LPA: variants seen among roughly 807,000 people sequenced by gnomAD.
LPA encodes the protein lipoprotein(a).
A neutral mutation model predicts 197.9 loss-of-function variants in LPA; 199 were observed. That is an observed-to-expected ratio of 1.01 (90% CI 0.90 to 1.13). LPA has a LOEUF of 1.13. LPA is among the 50% of genes most tolerant of loss of function. The pLI, the probability that LPA is intolerant of heterozygous loss-of-function variation, is 0.00. For synonymous variants in LPA, 715 were observed against 639.5 expected (o/e 1.12, Z -1.78); for missense variants, 1,853 against 1,785.8 (o/e 1.04, Z -0.68).
Position 160,586,464 on chromosome 6 carries a change from G to C in LPA, c.4114C>G (p.Leu1372Val), listed in dbSNP as rs7765781. Residue 1372 changes from leucine to valine, a missense_variant, in exon 25 of 39, where the codon CTT becomes GTT. By Grantham distance (32) the Leu-to-Val change is conservative. Around this residue, in one of 3 missense-constraint regions of LPA, gnomAD observed 1,737 missense variants for 1,504.4 expected, o/e 1.15. Transcript: ENST00000316300. ...GGCTTCTTACCTTCTTCAGAAGGAA[G>C]CTCTGTGCTTGGAACTGGGACCACC... Reference protein sequence around the residue: ...PTVVPVPSTELPSEEAPTENS... With the variant: ...PTVVPVPSTEVPSEEAPTENS... 0.35 allele frequency: 571,766 copies of C among 1,611,430 alleles called. 105,168 individuals carry two copies. The highest frequency in any genetic ancestry group is 0.58 in the African/African-American group (43,779 of 74,868).
chr6:160,541,196 T>C lies in LPA; in HGVS notation c.5520-15A>G. On this transcript the variant is annotated splice_polypyrimidine_tract_variant and intron_variant, in intron 34 of 38. Transcript: ENST00000316300. ...GCTTTCCAAACCTAGAAAGAAAACA[T>C]GCCAAGGCTTTGGTCAAATTGGATG... 1 of 1,593,680 alleles carries C rather than the reference T, an allele frequency of 6.3e-7. No homozygotes were observed. The highest frequency in any genetic ancestry group is 8.6e-7 in the Non-Finnish European group (1 of 1,161,286).
In LPA at chr6:160,664,204, T is replaced by C. The variant is rs1031996107; in HGVS notation, c.11A>G (p.Lys4Arg). The C allele has an allele frequency of 6.2e-7, 1 of 1,606,466 alleles. No homozygotes were observed. Among genetic ancestry groups the C allele is most frequent in the African/African-American group, 1.3e-5 (1 of 74,592 alleles). The change falls in exon 1 of 39, where the codon AAG becomes AGG. Residue 4 changes from lysine (K) to arginine (R), a missense_variant. Around this residue, in one of 3 missense-constraint regions of LPA, gnomAD observed 88 missense variants for 83.0 expected, o/e 1.06. Transcript: ENST00000316300. ...TAAAAGAAGTAGAAGAACCACTTCCTTATGTTCCATTTTGGGACTGGCCAG... is the reference window on the plus strand; with the variant it reads ...TAAAAGAAGTAGAAGAACCACTTCCCTATGTTCCATTTTGGGACTGGCCAG... MEH[K>R]EVVLLLLLFL...
In LPA at chr6:160,540,315, C is replaced by A. The variant is rs575851371; in HGVS notation, c.5595-132G>T. ...TCAGTGACTTATGAGTGGCAAGAAA[C>A]AAAATTCACAATTTGCTGGAAACTG... On this transcript the variant is annotated intron_variant, in intron 35 of 38. Transcript: ENST00000316300. The A allele has an allele frequency of 1.2e-5, 11 of 922,570 alleles. No homozygotes were observed. In the African/African-American group the frequency reaches 1.8e-4, roughly 15 times the overall value. The allele number at this position is 922,570 out of a possible 1,614,324, so 57.1% of individuals were successfully genotyped here. A position where few individuals can be genotyped will look rare whatever the true frequency, so the allele number is the denominator to read the frequency against.
At chr6:160,603,838 T>C (rs967965267) in intron 18 of LPA, among the ~76,000 whole-genome samples, 12 of 152,128 alleles carry the variant, frequency 7.9e-5, no homozygotes, top group Non-Finnish European at 1.6e-4. Context: ...TAGAGCTGCC[T>C]TTTTTTCTAG....
intron 32 of LPA, among the ~76,000 whole-genome samples, chr6:160,546,276 G>A (rs1410153930): frequency 1.3e-5 from 2 of 152,124 alleles, no homozygotes; most frequent in East Asian, 3.9e-4. Flanking sequence ...CTGTGCCTCT[G>A]TAATGAAGCC....
intron 24 of LPA, among the ~76,000 whole-genome samples, chr6:160,588,123 A>AT (rs995318421): frequency 1.6e-4 from 24 of 151,794 alleles, no homozygotes; most frequent in Admixed American, 3.3e-4. Flanking sequence ...GTGTTGAGTG[A>AT]TTTTTTCTCC....
intron 28 of LPA, among the ~76,000 whole-genome samples, chr6:160,569,991 G>T (rs1295262217): frequency 6.6e-6 from 1 of 152,184 alleles, no homozygotes. Context: ...AACAACAGAT[G>T]CTAGAGAGGA....
intron 28 of LPA, among the ~76,000 whole-genome samples, chr6:160,576,013 C>T (rs949543970): frequency 6.6e-6 from 1 of 152,076 alleles, no homozygotes; most frequent in Non-Finnish European, 1.5e-5. Context: ...TCCTTCAATC[C>T]ATGATGAAAT....
chr6:160,553,905 T>TTCTC (rs962607479), intron 30 of LPA, among the ~76,000 whole-genome samples: 1 of 141,996 alleles, frequency 7.0e-6, no homozygotes, highest in Non-Finnish European at 1.6e-5. Flanking sequence ...TTTTCAGCCT[T>TTCTC]TCTCTCTCTC....
chr6:160,626,523 TC>T (rs1779655498), intron 10 of LPA, among the ~76,000 whole-genome samples: 1 of 123,684 alleles, frequency 8.1e-6, no homozygotes, highest in Non-Finnish European at 1.7e-5. Context: ...GGTAATGTTT[TC>T]CTCTGAAACG....
intron 19 of LPA, 90 bp downstream of exon 19, chr6:160,600,827 T>G: frequency 7.2e-7 from 1 of 1,393,052 alleles, no homozygotes; most frequent in Non-Finnish European, 1.0e-6. Context: ...CGAGAACCAG[T>G]GTAGCACTGA....
At chr6:160,658,015 C>T (rs1780160787) in intron 1 of LPA, among the ~76,000 whole-genome samples, 2 of 152,122 alleles carry the variant, frequency 1.3e-5, no homozygotes, top group Admixed American at 1.3e-4. Flanking sequence ...TGAGGAGAAT[C>T]AACATTATCT....
chr6:160,549,676 A>C (rs149888205), intron 30 of LPA, among the ~76,000 whole-genome samples: 1 of 152,332 alleles, frequency 6.6e-6, no homozygotes, highest in African/African-American at 2.4e-5. Context: ...TTTGAGTCTA[A>C]AAGACTTATA....
chr6:160,588,950 A>G (rs1470211752), intron 24 of LPA, among the ~76,000 whole-genome samples: 1 of 152,194 alleles, frequency 6.6e-6, no homozygotes, highest in African/African-American at 2.4e-5. Context: ...ATAGCCAGAC[A>G]TGGGTTTCTG....
At chr6:160,647,221 C>G (rs1333894085) in intron 2 of LPA, among the ~76,000 whole-genome samples, 1 of 152,120 alleles carries the variant, frequency 6.6e-6, no homozygotes, top group Non-Finnish European at 1.5e-5. Flanking sequence ...GGCAGGAAGA[C>G]TAAGAGATCT....
chr6:160,581,673 T>C (rs1018092946), intron 26 of LPA, among the ~76,000 whole-genome samples: 2 of 152,172 alleles, frequency 1.3e-5, no homozygotes, highest in Non-Finnish European at 2.9e-5. Context: ...AACTTGTGAT[T>C]TTATTCCAAG....
At position 160,595,632 on chromosome 6, in the gene LPA, G is replaced by A. The variant is rs1583606629; in HGVS notation, c.3288-97C>T. On this transcript the variant is annotated intron_variant, in intron 20 of 38. Transcript: ENST00000316300. ...TTTGCTGTAACAAAGTGTAAAAAGA[G>A]ACTTTGAAATATTTTCACTAAAGGT... 3.2e-6 allele frequency: 5 copies of A among 1,564,428 alleles called. No individual in the cohort carries two copies. The East Asian group carries it at 1.2e-4, about 36-fold the overall frequency.
intron 30 of LPA, among the ~76,000 whole-genome samples, chr6:160,555,287 ATAT>A (rs1778238813): frequency 1.9e-5 from 2 of 107,178 alleles, no homozygotes; most frequent in South Asian, 6.2e-4. Flanking sequence ...ATATTATATT[ATAT>A]GTTAGTGTGT....
chr6:160,635,332 C>A lies in LPA; in HGVS notation c.894-28G>T, dbSNP rs201797750. 4,546 of 929,920 alleles carry A rather than the reference C, an allele frequency of 4.9e-3. 213 individuals carry two copies. The Middle Eastern group carries it at 0.09, about 18-fold the overall frequency. 57.6% of individuals were successfully genotyped at this position (929,920 alleles called of 1,614,324 possible). A position where few individuals can be genotyped will look rare whatever the true frequency, so the allele number is the denominator to read the frequency against. On this transcript the variant is annotated intron_variant, in intron 6 of 38. Transcript: ENST00000316300. ...GGAAATTCCAAAACGATACACGTCACAAGAGGTGGGACAACATGCAGGGGC... is the reference window on the plus strand; with the variant it reads ...GGAAATTCCAAAACGATACACGTCAAAAGAGGTGGGACAACATGCAGGGGC...
Sources: allele counts gnomAD v4.1 joint callset (sites outside exome capture counted in the v4.1 genomes callset), GRCh38; gene constraint gnomAD v4.1.1; regional missense constraint gnomAD v4.1.1; transcripts MANE v1.5; gene names NCBI Gene and HGNC (gene_info 2026-07-23, HGNC 2026-07-21).